PUS7L: variants seen among roughly 807,000 people sequenced by gnomAD.
PUS7L encodes pseudouridine synthase 7 like, also known as pseudouridylate synthase PUS7L.
Under a neutral mutation model 51.1 loss-of-function variants are expected in PUS7L, and 49 were observed. The ratio of observed to expected loss-of-function variants is 0.96; its 90% CI spans 0.76 to 1.22. The LOEUF (loss-of-function observed/expected upper bound fraction) is 1.22. PUS7L is among the 50% of genes most tolerant of loss of function. PUS7L has a pLI of 0.00. For synonymous variants in PUS7L, 277 were observed against 276.2 expected (o/e 1.00, Z -0.03); for missense variants, 828 against 820.6 (o/e 1.01, Z -0.11).
chr12:43,755,020 G>A lies in PUS7L; in HGVS notation c.226C>T (p.Gln76Ter). The A allele has an allele frequency of 2.5e-6, 4 of 1,612,992 alleles. No homozygotes were observed. Among genetic ancestry groups the A allele is most frequent in the Non-Finnish European group, 3.4e-6 (4 of 1,179,498 alleles). Reference sequence around the variant, plus strand: ...CTTCCATCTTCTAAGGACAGATTTTGAAGATCTAGTTTTGGTTTTTTGGGA... The same window carrying A: ...CTTCCATCTTCTAAGGACAGATTTTAAAGATCTAGTTTTGGTTTTTTGGGA... ...NFPKKPKLDL[Q>*]NLSLEDGRNQ... The change falls in exon 2 of 9, where the codon CAA (glutamine) becomes TAA (stop). Residue 76 changes from glutamine to a stop codon, truncating the protein, a stop_gained. Transcript: ENST00000344862. LOFTEE classifies it high-confidence loss of function.
intron 4 of PUS7L, among the ~76,000 whole-genome samples, chr12:43,744,332 G>A (rs1049358384): frequency 1.3e-5 from 2 of 152,120 alleles, no homozygotes; most frequent in Non-Finnish European, 2.9e-5. Context: ...ATTGAATTAT[G>A]GGGTCGGTTT....
Position 43,719,255 on chromosome 12 carries a change from A to G in PUS7L, c.*11121T>C, listed in dbSNP as rs1944367546. ...TGAGTAAAACAAGGAAGACACAAAC[A>G]CAGATATGTACAATTCCATTCACAT... is the stretch of plus-strand genomic sequence containing the variant. On this transcript the variant is annotated 3_prime_UTR_variant, in exon 9 of 9. Transcript: ENST00000344862. 1 of 152,200 alleles carries G rather than the reference A, an allele frequency of 6.6e-6. No individual in the cohort carries two copies. The highest frequency in any genetic ancestry group is 2.4e-5 in the African/African-American group (1 of 41,456). 9.4% of individuals were successfully genotyped at this position (152,200 alleles called of 1,614,324 possible).
Position 43,736,651 on chromosome 12 carries a change from T to C in PUS7L, c.1455A>G (p.Lys485=). The change falls in exon 7 of 9, where the codon AAA becomes AAG. Residue 485 remains lysine, a synonymous_variant. Transcript: ENST00000344862. The part of the protein sequence containing the change: ...KKYFLQTEDA[K]GTLSLMPEFK... The stretch of plus-strand genomic sequence containing the variant: ...ATTCAGGCATCAATGAAAGTGTGCC[T>C]TTAGCATCCTCTGAAACAAAGGGTA... 1 of 1,613,278 alleles carries C rather than the reference T, an allele frequency of 6.2e-7. No homozygotes were observed. The highest frequency in any genetic ancestry group is 1.3e-5 in the African/African-American group (1 of 75,046).
chr12:43,739,784 G>C (rs1937804326), intron 5 of PUS7L: 1 of 152,098 alleles, frequency 6.6e-6, no homozygotes. Context: ...AAACTAAAAA[G>C]GATTCATAAG....
chr12:43,738,366 G>T lies in PUS7L; in HGVS notation c.1388C>A (p.Thr463Lys), dbSNP rs548538707. Reference sequence around the variant, plus strand: ...TACAGGATCATCCAAGTCTTCTGGTGTAAGAAACAATTTTATGGCTTTCAT... The same window carrying T: ...TACAGGATCATCCAAGTCTTCTGGTTTAAGAAACAATTTTATGGCTTTCAT... ...EMMKAIKLFL[T>K]PEDLDDPVNR... The change falls in exon 6 of 9, where the codon ACA (threonine) becomes AAA (lysine). Residue 463 changes from threonine to lysine, a missense_variant. Transcript: ENST00000344862. 1.4e-5 allele frequency: 23 copies of T among 1,590,440 alleles called. No individual in the cohort carries two copies. The South Asian group carries it at 2.4e-4, about 17-fold the overall frequency.
intron 8 of PUS7L, among the ~76,000 whole-genome samples, chr12:43,731,100 C>G (rs1347046758): frequency 6.6e-6 from 1 of 152,124 alleles, no homozygotes; most frequent in Non-Finnish European, 1.5e-5. Flanking sequence ...TTTAAATTTT[C>G]TTATTTCTTC....
chr12:43,758,399 GA>G, intron 1 of PUS7L: 1 of 985,644 alleles, frequency 1.0e-6, no homozygotes, highest in Non-Finnish European at 1.2e-6. Context: ...GCCCGTGGTT[GA>G]GGAATTCGTT....
rs1022185884 is a variant in PUS7L, at chr12:43,722,674, G to GA, written c.*7701dup. 14 of 151,960 alleles carry GA rather than the reference G, an allele frequency of 9.2e-5. No individual in the cohort carries two copies. Among genetic ancestry groups the GA allele is most frequent in the Non-Finnish European group, 1.9e-4 (13 of 67,950 alleles). 9.4% of individuals were successfully genotyped at this position (151,960 alleles called of 1,614,324 possible). On this transcript the variant is annotated 3_prime_UTR_variant, in exon 9 of 9. Coordinates refer to ENST00000344862, the MANE Select transcript of PUS7L (RefSeq NM_031292.5). The stretch of plus-strand genomic sequence containing the variant: ...TTATAATGGAATTATAAAGGTTATA[G>GA]AAAAAATATCCATCTTCCCTTTTTA...
Position 43,723,147 on chromosome 12 carries a change from T to C in PUS7L, c.*7229A>G, listed in dbSNP as rs1419425486. 2 of 152,252 alleles carry C rather than the reference T, an allele frequency of 1.3e-5. No homozygotes were observed. Among genetic ancestry groups the C allele is most frequent in the South Asian group, 4.1e-4 (2 of 4,826 alleles). 9.4% of individuals were successfully genotyped at this position (152,252 alleles called of 1,614,324 possible). On this transcript the variant is annotated 3_prime_UTR_variant, in exon 9 of 9. Transcript: ENST00000344862. Reference sequence around the variant, plus strand: ...TCATGGCTATTCTGACTTCTTTCCATAGTAAAATTTTTCTTTTGTAAGAGA... The same window carrying C: ...TCATGGCTATTCTGACTTCTTTCCACAGTAAAATTTTTCTTTTGTAAGAGA...
Position 43,741,184 on chromosome 12 carries a change from C to T in PUS7L, c.1362+1273G>A, listed in dbSNP as rs1937882963. The T allele has an allele frequency of 2.6e-5, 4 of 152,196 alleles. No homozygotes were observed. The South Asian group carries it at 8.3e-4, about 31-fold the overall frequency. 9.4% of individuals were successfully genotyped at this position (152,196 alleles called of 1,614,324 possible). Reference sequence around the variant, plus strand: ...AGGTTTGAAAGAGGTAGAGGGGTAGCCATCCAGCTTTTGCTTAAATGTTAT... The same window carrying T: ...AGGTTTGAAAGAGGTAGAGGGGTAGTCATCCAGCTTTTGCTTAAATGTTAT... On this transcript the variant is annotated intron_variant, in intron 5 of 8. Transcript: ENST00000344862.
rs1218310481 is a variant in PUS7L, at chr12:43,722,807, T to G, written c.*7569A>C. On this transcript the variant is annotated 3_prime_UTR_variant, in exon 9 of 9. Transcript: ENST00000344862. ...TACTGAAAAACTCAGAATCCTGACT[T>G]AACTAGTCTAAGGAAATGCCAGTAA... 1 of 152,086 alleles carries G rather than the reference T, an allele frequency of 6.6e-6. No individual in the cohort carries two copies. The highest frequency in any genetic ancestry group is 1.5e-5 in the Non-Finnish European group (1 of 67,972). The allele number at this position is 152,086 out of a possible 1,614,324, so 9.4% of individuals were successfully genotyped here.
At chr12:43,737,473 A>T (rs1448777838) in intron 6 of PUS7L, among the ~76,000 whole-genome samples, 2 of 151,884 alleles carry the variant, frequency 1.3e-5, no homozygotes, top group African/African-American at 4.8e-5. Context: ...TTGAAAACTG[A>T]CATCCTTTAT....
intron 6 of PUS7L, among the ~76,000 whole-genome samples, chr12:43,737,785 G>C (rs1937681485): frequency 6.6e-6 from 1 of 152,018 alleles, no homozygotes; most frequent in Non-Finnish European, 1.5e-5. Context: ...AAAGTTGAGA[G>C]TTAACCCCAT....
rs1002457792 is a variant in PUS7L at position 43,726,049 on chromosome 12, G to C, written c.*4327C>G. The stretch of plus-strand genomic sequence containing the variant: ...TTTGTTTCACCTAACCGACTCCCAG[G>C]CACTACTGCTAGCTCAGCGTCAAAC... On this transcript the variant is annotated 3_prime_UTR_variant, in exon 9 of 9. Transcript: ENST00000344862. 19 of 152,004 alleles carry C rather than the reference G, an allele frequency of 1.2e-4. No individual in the cohort carries two copies. The highest frequency in any genetic ancestry group is 2.5e-4 in the Non-Finnish European group (17 of 68,004). 9.4% of individuals were successfully genotyped at this position (152,004 alleles called of 1,614,324 possible). A position where few individuals can be genotyped will look rare whatever the true frequency, so the allele number is the denominator to read the frequency against.
At chr12:43,750,376 C>A (rs530441770) in intron 2 of PUS7L, among the ~76,000 whole-genome samples, 3 of 152,160 alleles carry the variant, frequency 2.0e-5, no homozygotes, top group South Asian at 2.1e-4. Flanking sequence ...ACTTGTAGTT[C>A]CAATTTAAAA....
At chr12:43,753,465 A>T (rs1938550662) in intron 2 of PUS7L, among the ~76,000 whole-genome samples, 1 of 152,224 alleles carries the variant, frequency 6.6e-6, no homozygotes, top group Non-Finnish European at 1.5e-5. Context: ...TTTCATTTGC[A>T]CCTGTAGTCC....
At chr12:43,748,428 A>G in intron 3 of PUS7L, 22 bp downstream of exon 3, 1 of 1,547,882 alleles carries the variant, frequency 6.5e-7, no homozygotes, top group Non-Finnish European at 8.7e-7. Context: ...TTCTATCCTA[A>G]AATTTCTTAA....
rs556455384 is a variant in PUS7L, at chr12:43,740,611, T to G, written c.1362+1846A>C. 3.3e-5 allele frequency among the ~76,000 whole-genome samples: 5 copies of G among 152,132 alleles called. No homozygotes were observed. The South Asian group carries it at 8.3e-4, about 25-fold the overall frequency. On this transcript the variant is annotated intron_variant, in intron 5 of 8. Transcript: ENST00000344862. The stretch of plus-strand genomic sequence containing the variant: ...TGCTTCAGGCAAAGGAAAGAAGATA[T>G]AGTTTTTTAGCTGCAGGAACCAGCC...
intron 2 of PUS7L, among the ~76,000 whole-genome samples, chr12:43,751,367 GA>G (rs952389221): frequency 1.4e-4 from 14 of 102,454 alleles, no homozygotes; most frequent in Admixed American, 4.1e-4. Context: ...TCCACAACAG[GA>G]CCCAGTGTGT....
Sources: gnomAD v4.1 joint callset for allele counts (sites outside exome capture counted in the v4.1 genomes callset) on GRCh38, gnomAD v4.1.1 for gene constraint, MANE v1.5 for transcripts, NCBI Gene and HGNC (gene_info 2026-07-23, HGNC 2026-07-21) for gene names.